Variants in NKAIN2 observed in about 807,000 individuals in gnomAD.
NKAIN2 encodes the protein sodium/potassium-transporting ATPase subunit beta-1-interacting protein 2.
Under a neutral mutation model 32.6 loss-of-function variants are expected in NKAIN2, and 14 were observed. The observed-to-expected ratio is 0.43, with a 90% CI of 0.28 to 0.67. The LOEUF is 0.67. Ranked by LOEUF, NKAIN2 falls within the 30% of genes least tolerant of loss-of-function variation. NKAIN2 has a pLI of 0.17. For synonymous variants in NKAIN2, 80 were observed against 87.2 expected (o/e 0.92, Z 0.46); for missense variants, 198 against 258.3 (o/e 0.77, Z 1.60).
intron 3 of NKAIN2, among the ~76,000 whole-genome samples, chr6:124,425,356 C>T (rs1368911368): frequency 6.6e-6 from 1 of 151,998 alleles, no homozygotes; most frequent in Non-Finnish European, 1.5e-5. Context: ...GACCTGAAAT[C>T]TTAACACTCC....
intron 3 of NKAIN2, among the ~76,000 whole-genome samples, chr6:124,626,285 C>A (rs1783339870): frequency 6.6e-6 from 1 of 151,816 alleles, no homozygotes; most frequent in African/African-American, 2.4e-5. Flanking sequence ...TTCCCAAAGT[C>A]CTATTCAAAC....
At chr6:124,630,653 CT>C (rs1238845206) in intron 3 of NKAIN2, among the ~76,000 whole-genome samples, 1 of 152,078 alleles carries the variant, frequency 6.6e-6, no homozygotes, top group East Asian at 1.9e-4. Flanking sequence ...TACAGGAGCT[CT>C]TTCAAAATTT....
At chr6:124,782,497 C>T (rs1218436400) in intron 4 of NKAIN2, among the ~76,000 whole-genome samples, 2 of 152,116 alleles carry the variant, frequency 1.3e-5, no homozygotes, top group African/African-American at 4.8e-5. Flanking sequence ...CTAGTCTCTA[C>T]AGAGAAATCT....
chr6:124,044,020 G>T (rs74983605), intron 1 of NKAIN2, among the ~76,000 whole-genome samples: 3,151 of 152,108 alleles, frequency 0.021, 118 homozygotes, highest in African/African-American at 0.072. Flanking sequence ...TGACTTAGGC[G>T]AGTGAGCAGG....
intron 4 of NKAIN2, among the ~76,000 whole-genome samples, chr6:124,663,550 A>C (rs528037191): frequency 6.6e-6 from 1 of 152,344 alleles, no homozygotes. Context: ...GATAGAAAAT[A>C]TTATTTCAAA....
At chr6:124,675,324 G>GTTCA (rs1293061977) in intron 4 of NKAIN2, among the ~76,000 whole-genome samples, 1 of 152,016 alleles carries the variant, frequency 6.6e-6, no homozygotes, top group Non-Finnish European at 1.5e-5. Context: ...AAACATCGAT[G>GTTCA]TTCATCAGGT....
At chr6:124,131,096 A>C (rs1786450586) in intron 1 of NKAIN2, among the ~76,000 whole-genome samples, 1 of 152,158 alleles carries the variant, frequency 6.6e-6, no homozygotes, top group Admixed American at 6.6e-5. Flanking sequence ...TATAAATCAG[A>C]ATTACTTTAC....
At chr6:123,958,320 G>A (rs1200802247) in intron 1 of NKAIN2, among the ~76,000 whole-genome samples, 1 of 152,220 alleles carries the variant, frequency 6.6e-6, no homozygotes, top group African/African-American at 2.4e-5. Flanking sequence ...ACTGTCCCAT[G>A]CATTAGCCTT....
At chr6:123,968,058 A>C (rs1778173699) in intron 1 of NKAIN2, among the ~76,000 whole-genome samples, 1 of 152,236 alleles carries the variant, frequency 6.6e-6, no homozygotes, top group South Asian at 2.1e-4. Context: ...AGAAGGCAGC[A>C]GGTGGAGCAG....
At chr6:124,766,731 T>C (rs9375369) in intron 4 of NKAIN2, among the ~76,000 whole-genome samples, 139,908 of 152,146 alleles carry the variant, frequency 0.92, 64,760 homozygotes, top group East Asian at 1. Flanking sequence ...TATATGCTTT[T>C]CCTAAACTCT....
intron 6 of NKAIN2, 133 bp downstream of exon 6, chr6:124,818,601 C>A: frequency 4.5e-6 from 2 of 447,008 alleles, no homozygotes; most frequent in South Asian, 5.6e-5. Context: ...TTAATATTGT[C>A]TTGGCTGGGA....
chr6:124,497,841 AAAAAGAC>A (rs965459936), intron 3 of NKAIN2, among the ~76,000 whole-genome samples: 3 of 150,776 alleles, frequency 2.0e-5, no homozygotes, highest in African/African-American at 7.3e-5. Flanking sequence ...AAAAAAAAAA[AAAAAGAC>A]AAAAAGATTT....
At chr6:124,057,291 T>C (rs1031764045) in intron 1 of NKAIN2, among the ~76,000 whole-genome samples, 1 of 152,016 alleles carries the variant, frequency 6.6e-6, no homozygotes, top group African/African-American at 2.4e-5. Flanking sequence ...TCCAACTACA[T>C]GTATGTTTCT....
chr6:124,360,889 G>A (rs748042727), intron 3 of NKAIN2, among the ~76,000 whole-genome samples: 2 of 152,108 alleles, frequency 1.3e-5, no homozygotes, highest in African/African-American at 2.4e-5. Flanking sequence ...GTCTGGTAAC[G>A]GTTTGAAATT....
chr6:124,344,472 T>C (rs1027996824), intron 2 of NKAIN2, among the ~76,000 whole-genome samples: 1 of 151,700 alleles, frequency 6.6e-6, no homozygotes, highest in African/African-American at 2.4e-5. Flanking sequence ...GAGCATGGAA[T>C]GTTCTTCCAT....
chr6:124,350,188 T>C (rs960726032), intron 2 of NKAIN2, among the ~76,000 whole-genome samples: 1 of 152,216 alleles, frequency 6.6e-6, no homozygotes, highest in Non-Finnish European at 1.5e-5. Flanking sequence ...AACTGCATCA[T>C]TGTCAATTAT....
intron 1 of NKAIN2, among the ~76,000 whole-genome samples, chr6:124,043,167 G>A (rs1345286903): frequency 6.6e-6 from 1 of 151,982 alleles, no homozygotes; most frequent in Non-Finnish European, 1.5e-5. Context: ...AGACCAGCAT[G>A]GCCAACATGG....
At chr6:124,638,350 G>A (rs1783850717) in intron 3 of NKAIN2, among the ~76,000 whole-genome samples, 2 of 152,144 alleles carry the variant, frequency 1.3e-5, no homozygotes, top group South Asian at 4.1e-4. Flanking sequence ...CATAGGTCAA[G>A]GCAAATATTT....
At chr6:124,216,595 G>A (rs936022404) in intron 1 of NKAIN2, among the ~76,000 whole-genome samples, 1 of 152,152 alleles carries the variant, frequency 6.6e-6, no homozygotes, top group Admixed American at 6.5e-5. Context: ...TAATTTCACT[G>A]TTTTAAACGG....
Sources: allele counts gnomAD v4.1 joint callset (sites outside exome capture counted in the v4.1 genomes callset), GRCh38; gene constraint gnomAD v4.1.1; transcripts MANE v1.5; gene names NCBI Gene and HGNC (gene_info 2026-07-23, HGNC 2026-07-21).